The following EPHA2 variants were observed in gnomAD, a reference collection of about 807,000 sequenced individuals.
The protein encoded by EPHA2 is EPH receptor A2.
EPHA2 carries 54 observed loss-of-function variants against 104.9 expected under a neutral mutation model. The ratio of observed to expected loss-of-function variants is 0.51; its 90% CI spans 0.41 to 0.65. The LOEUF is 0.65. EPHA2 is among the 30% of genes least tolerant of loss of function. The pLI is 0.00. For synonymous variants in EPHA2, 560 were observed against 559.1 expected (o/e 1.00, Z -0.02); for missense variants, 1,117 against 1,369.5 (o/e 0.82, Z 2.91).
intron 15 of EPHA2, 57 bp from the exon 16 acceptor site, chr1:16,129,646 T>G: frequency 6.4e-7 from 1 of 1,551,758 alleles, no homozygotes; most frequent in Non-Finnish European, 8.7e-7. Context: ...CCCTGGGCCC[T>G]GCACCTGCTG....
At position 16,129,561 on chromosome 1, in the gene EPHA2, C is replaced by G; in HGVS notation, c.2698G>C (p.Gly900Arg). The change falls in exon 16 of 17, where the codon GGC becomes CGC. Residue 900 changes from glycine (G) to arginine (R), a missense_variant. Physicochemically the swap from Gly to Arg is moderately radical, Grantham distance 125. This residue lies in a region of EPHA2 where 340 missense variants were observed against 480.5 expected (regional missense o/e 0.71). Transcript: ENST00000358432. Reference protein sequence around the residue: ...RVSIRLPSTSGSEGVPFRTVS... With the variant: ...RVSIRLPSTSRSEGVPFRTVS... The stretch of plus-strand genomic sequence containing the variant: ...GTGCGGAAGGGCACCCCCTCCGAGC[C>G]GCTCGTGCTGGGGAGCCGGATAGAC... The G allele has an allele frequency of 6.2e-7, 1 of 1,612,686 alleles. No homozygotes were observed. Among genetic ancestry groups the G allele is most frequent in the Non-Finnish European group, 8.5e-7 (1 of 1,179,938 alleles).
rs2024983137 is a variant in EPHA2, at chr1:16,148,777, T to G, written c.424A>C (p.Ile142Leu). The G allele has an allele frequency of 6.2e-7, 1 of 1,614,040 alleles. No individual in the cohort carries two copies. The highest frequency in any genetic ancestry group is 1.7e-5 in the Admixed American group (1 of 60,014). Residue 142 changes from isoleucine to leucine, a missense_variant, in exon 3 of 17, where the codon ATT (isoleucine) becomes CTT (leucine). Ile to Leu is a conservative substitution (Grantham distance 5). This residue lies in a region of EPHA2 where 664 missense variants were observed against 784.8 expected (regional missense o/e 0.85). Coordinates refer to ENST00000358432, the MANE Select transcript of EPHA2 (RefSeq NM_004431.5). This position sits in a 1 kb window ranked among gnomAD's most constrained non-coding sequence, Gnocchi z 4.9. ...ATCTCATCGGGCGCAATGGTGTCAA[T>G]CTTGGTGAACAGGCGCTTCTGGAAG... ...TNFQKRLFTK[I>L]DTIAPDEITV...
intron 2 of EPHA2, among the ~76,000 whole-genome samples, chr1:16,149,307 T>C (rs1295503865): frequency 6.6e-6 from 1 of 152,106 alleles, no homozygotes; most frequent in Non-Finnish European, 1.5e-5. Context: ...CGGGACTCCA[T>C]GTGACCTCAG....
rs2124228518 is a variant in EPHA2, at chr1:16,138,256, G to A, written c.979+19C>T. On this transcript the variant is annotated intron_variant, in intron 4 of 16. Coordinates refer to ENST00000358432, the MANE Select transcript of EPHA2 (RefSeq NM_004431.5). ...ACGTCACCCTCAGTCACGCCACCCT[G>A]ACCCACTGCAAGACTCACGTGTGCA... is the stretch of plus-strand genomic sequence containing the variant. 1 of 1,613,038 alleles carries A rather than the reference G, an allele frequency of 6.2e-7. No homozygotes were observed.
rs148814577 is a variant in EPHA2 at position 16,145,333 on chromosome 1, G to A, written c.823+3045C>T. Among the ~76,000 whole-genome samples the A allele has an allele frequency of 2.5e-3, 388 of 152,364 alleles. 3 individuals carry two copies. The highest frequency in any genetic ancestry group is 8.6e-3 in the African/African-American group (357 of 41,594). The stretch of plus-strand genomic sequence containing the variant: ...GGCTCATTCCTGACATAGTTCATGG[G>A]AGCGCTCCGGGCAGCGTGCCCACCT... On this transcript the variant is annotated intron_variant, in intron 3 of 16. Coordinates refer to ENST00000358432, the MANE Select transcript of EPHA2 (RefSeq NM_004431.5).
In EPHA2 at chr1:16,134,626, G is replaced by A. The variant is rs7525104; in HGVS notation, c.1583-59C>T. The A allele has an allele frequency of 7.6e-3, 11,760 of 1,556,474 alleles. 688 individuals carry two copies. The African/African-American group carries it at 0.14, about 18-fold the overall frequency. On this transcript the variant is annotated intron_variant, in intron 7 of 16. Coordinates refer to ENST00000358432, the MANE Select transcript of EPHA2 (RefSeq NM_004431.5). This position sits in a 1 kb window ranked among gnomAD's most constrained non-coding sequence, Gnocchi z 4.5. ...TCCCCCACAAATTACAGCAACACCC[G>A]CGCTGCACCCAAGACACCTGGGCCC... is the stretch of plus-strand genomic sequence containing the variant.
chr1:16,140,819 T>C (rs1432387507), intron 3 of EPHA2, among the ~76,000 whole-genome samples: 1 of 152,196 alleles, frequency 6.6e-6, no homozygotes, highest in Non-Finnish European at 1.5e-5. Context: ...CAGCCTGGTC[T>C]CGAACTCCTG....
chr1:16,148,449 C>T lies in EPHA2; in HGVS notation c.752G>A (p.Gly251Asp). ...EEPRMHCAVD[G>D]EWLVPIGQCL... ...CTGCCCAATGGGCACCAGCCACTCG[C>T]CATCCACTGCACAGTGCATACGGGG... Residue 251 changes from glycine to aspartate, a missense_variant, in exon 3 of 17, where the codon GGC (glycine) becomes GAC (aspartate). Around this residue, in one of 3 missense-constraint regions of EPHA2, gnomAD observed 664 missense variants for 784.8 expected, o/e 0.85. Coordinates refer to ENST00000358432, the MANE Select transcript of EPHA2 (RefSeq NM_004431.5). This position sits in a 1 kb window ranked among gnomAD's most constrained non-coding sequence, Gnocchi z 4.9. 1 of 1,613,900 alleles carries T rather than the reference C, an allele frequency of 6.2e-7. No homozygotes were observed. The highest frequency in any genetic ancestry group is 8.5e-7 in the Non-Finnish European group (1 of 1,180,052).
chr1:16,151,717 C>A (rs902746541), intron 1 of EPHA2, among the ~76,000 whole-genome samples: 8 of 152,192 alleles, frequency 5.3e-5, no homozygotes, highest in African/African-American at 1.9e-4. Flanking sequence ...ACTCCCACCA[C>A]CCCTGCCCCT....
intron 1 of EPHA2, chr1:16,153,084 G>A (rs1000753669): frequency 1.0e-6 from 1 of 978,160 alleles, no homozygotes; most frequent in Non-Finnish European, 1.2e-6. Flanking sequence ...GCTAAGCAGG[G>A]CTTATCCATG....
chr1:16,145,158 C>T (rs1456857820), intron 3 of EPHA2, among the ~76,000 whole-genome samples: 4 of 152,238 alleles, frequency 2.6e-5, no homozygotes, highest in South Asian at 2.1e-4. Flanking sequence ...AGGGCTGAGG[C>T]GCCAGCAGGG....
At chr1:16,154,632 G>A (rs371694716) in intron 1 of EPHA2, among the ~76,000 whole-genome samples, 7 of 151,828 alleles carry the variant, frequency 4.6e-5, no homozygotes, top group African/African-American at 1.7e-4. Flanking sequence ...GCGGGCACCT[G>A]TAATCCCAGC....
intron 16 of EPHA2, 94 bp downstream of exon 16, chr1:16,129,340 T>G: frequency 2.1e-5 from 29 of 1,407,972 alleles, no homozygotes; most frequent in Non-Finnish European, 2.6e-5. Context: ...GAGAGGAGCA[T>G]TGAGGGGCAG....
intron 1 of EPHA2, among the ~76,000 whole-genome samples, chr1:16,153,885 TGC>T (rs919120769): frequency 2.0e-5 from 3 of 152,004 alleles, no homozygotes; most frequent in African/African-American, 7.3e-5. Flanking sequence ...AACCAGCAGC[TGC>T]CAGCTAGGCC....
In EPHA2 at chr1:16,130,418, A is replaced by C. The variant is rs1400476018; in HGVS notation, c.2477T>G (p.Val826Gly). The C allele has an allele frequency of 1.9e-6, 3 of 1,543,242 alleles. No individual in the cohort carries two copies. The highest frequency in any genetic ancestry group is 2.3e-5 in the East Asian group (1 of 43,750). Reference sequence around the variant, plus strand: ...GAAGCCATCATTGATGGCTTTCATCACCTGGCGGGGCACGAAGGTCAGGGG... The same window carrying C: ...GAAGCCATCATTGATGGCTTTCATCCCCTGGCGGGGCACGAAGGTCAGGGG... Reference protein sequence around the residue: ...RPYWELSNHEVMKAINDGFRL... With the variant: ...RPYWELSNHEGMKAINDGFRL... Residue 826 changes from valine (V) to glycine (G), a missense_variant and splice_region_variant, in exon 15 of 17, where the codon GTG (valine) becomes GGG (glycine). Val to Gly is a moderately radical substitution (Grantham distance 109). Coordinates refer to ENST00000358432, the MANE Select transcript of EPHA2 (RefSeq NM_004431.5). This position sits in a 1 kb window ranked among gnomAD's most constrained non-coding sequence, Gnocchi z 4.5.
chr1:16,153,725 G>A (rs2025091134), intron 1 of EPHA2, among the ~76,000 whole-genome samples: 1 of 152,184 alleles, frequency 6.6e-6, no homozygotes, highest in African/African-American at 2.4e-5. Flanking sequence ...GAGCCACGTG[G>A]GCAACCAAGT....
chr1:16,134,478 T>C lies in EPHA2; in HGVS notation c.1672A>G (p.Ile558Val). The C allele has an allele frequency of 6.2e-7, 1 of 1,613,952 alleles. No individual in the cohort carries two copies. Among genetic ancestry groups the C allele is most frequent in the Admixed American group, 1.7e-5 (1 of 60,006 alleles). Reference sequence around the variant, plus strand: ...TGGGCTCTGACGAACCTGCGGTGGATAAAGAAGCCAACTCCTGCCAGCACC... The same window carrying C: ...TGGGCTCTGACGAACCTGCGGTGGACAAAGAAGCCAACTCCTGCCAGCACC... Reference protein sequence around the residue: ...LLVLAGVGFFIHRRRKNQRAR... With the variant: ...LLVLAGVGFFVHRRRKNQRAR... Residue 558 changes from isoleucine to valine, a missense_variant, in exon 8 of 17, where the codon ATC (isoleucine) becomes GTC (valine). Around this residue, in one of 3 missense-constraint regions of EPHA2, gnomAD observed 664 missense variants for 784.8 expected, o/e 0.85. Transcript: ENST00000358432. This position sits in a 1 kb window ranked among gnomAD's most constrained non-coding sequence, Gnocchi z 4.5.
rs2024578226 is a variant in EPHA2, at chr1:16,131,988, G to T, written c.2325+76C>A. On this transcript the variant is annotated intron_variant, in intron 13 of 16. Transcript: ENST00000358432. The surrounding 1 kb of genome is among the most constrained non-coding windows in gnomAD (Gnocchi z 5.2). The stretch of plus-strand genomic sequence containing the variant: ...CAGGTGTTCTGCCTCCTGAAGCACT[G>T]CCCAGGTGTGCAGGTGAGAGGACAC... 1.8e-5 allele frequency: 29 copies of T among 1,610,944 alleles called. 1 individual carries two copies. In the South Asian group the frequency reaches 3.2e-4, roughly 18 times the overall value.
intron 3 of EPHA2, among the ~76,000 whole-genome samples, chr1:16,142,625 A>G (rs2024844492): frequency 6.8e-6 from 1 of 146,676 alleles, no homozygotes; most frequent in Non-Finnish European, 1.5e-5. Flanking sequence ...ATGAATGGAC[A>G]AATGGATGGG....
Sources: allele counts gnomAD v4.1 joint callset (sites outside exome capture counted in the v4.1 genomes callset), GRCh38; gene constraint gnomAD v4.1.1; regional missense constraint gnomAD v4.1.1; non-coding constraint Gnocchi (gnomAD v3.1); transcripts MANE v1.5; gene names NCBI Gene and HGNC (gene_info 2026-07-23, HGNC 2026-07-21).